The following RFC4 variants were observed in gnomAD, a reference collection of about 807,000 sequenced individuals.
RFC4 encodes A1 37 kDa subunit.
Under a neutral mutation model 47.6 loss-of-function variants are expected in RFC4, and 38 were observed. The ratio of observed to expected loss-of-function variants is 0.80; its 90% CI spans 0.62 to 1.05. The LOEUF is 1.05. Among genes scored for constraint, RFC4 ranks in the 50% least tolerant of loss-of-function variants. The pLI is 0.00. For synonymous variants in RFC4, 164 were observed against 150.0 expected (o/e 1.09, Z -0.68); for missense variants, 489 against 434.0 (o/e 1.13, Z -1.13).
chr3:186,790,545 G>A (rs372999153), intron 8 of RFC4, 139 bp from the exon 9 acceptor site: 32 of 684,020 alleles, frequency 4.7e-5, no homozygotes, highest in African/African-American at 2.7e-4. Flanking sequence ...TTGGGAGAAC[G>A]GAAAGGGCCA....
intron 2 of RFC4, among the ~76,000 whole-genome samples, chr3:186,801,629 C>T (rs984275283): frequency 6.3e-5 from 9 of 142,738 alleles, no homozygotes; most frequent in Admixed American, 1.5e-4. Context: ...GAGAACGGCA[C>T]GAACCTGGGA....
chr3:186,800,954 CAATA>C (rs1722338752), intron 3 of RFC4, among the ~76,000 whole-genome samples, 159 bp downstream of exon 3: 2 of 152,050 alleles, frequency 1.3e-5, no homozygotes, highest in African/African-American at 4.8e-5. Flanking sequence ...AGGAGATGCT[CAATA>C]AATATTTGAA....
chr3:186,792,515 T>C lies in RFC4; in HGVS notation c.650A>G (p.Lys217Arg). ...QQQRLLDIAK[K>R]ENVKISDEGI... ...CTCATCACTAATTTTGACATTTTCC[T>C]TCTTGGCAATGTCTAGTAATCGCTG... Residue 217 changes from lysine (K) to arginine (R), a missense_variant, in exon 7 of 11, where the codon AAG (lysine) becomes AGG (arginine). By Grantham distance (26) the Lys-to-Arg change is conservative (BLOSUM62 2). Coordinates refer to ENST00000296273, the MANE Select transcript of RFC4 (RefSeq NM_002916.5). The C allele has an allele frequency of 6.2e-7, 1 of 1,612,962 alleles. No homozygotes were observed. The highest frequency in any genetic ancestry group is 8.5e-7 in the Non-Finnish European group (1 of 1,179,002).
At position 186,793,262 on chromosome 3, in the gene RFC4, A is replaced by G. The variant is rs1054470504; in HGVS notation, c.411-315T>C. 2.0e-5 allele frequency among the ~76,000 whole-genome samples: 3 copies of G among 152,210 alleles called. No homozygotes were observed. The highest frequency in any genetic ancestry group is 7.2e-5 in the African/African-American group (3 of 41,464). ...ACATGATATGAATGGAACATATAATATGCAGTCTTTTGTGGCTGACTTCTT... is the reference window on the plus strand; with the variant it reads ...ACATGATATGAATGGAACATATAATGTGCAGTCTTTTGTGGCTGACTTCTT... On this transcript the variant is annotated intron_variant, in intron 5 of 10. Transcript: ENST00000296273. This position sits in a 1 kb window ranked among gnomAD's most constrained non-coding sequence, Gnocchi z 4.2.
chr3:186,805,183 T>C (rs1722450539), intron 1 of RFC4, among the ~76,000 whole-genome samples: 1 of 152,164 alleles, frequency 6.6e-6, no homozygotes, highest in Non-Finnish European at 1.5e-5. Context: ...AATGAGAACC[T>C]TCACTCCTTT....
intron 8 of RFC4, among the ~76,000 whole-genome samples, chr3:186,790,990 AGTT>A (rs1009625946): frequency 2.1e-4 from 32 of 152,166 alleles, no homozygotes; most frequent in South Asian, 8.3e-4. Context: ...CAGAAACAAA[AGTT>A]GTTAAGTAGT....
intron 1 of RFC4, 103 bp from the exon 2 acceptor site, chr3:186,804,827 A>T: frequency 9.0e-7 from 1 of 1,105,824 alleles, no homozygotes; most frequent in Non-Finnish European, 1.3e-6. Flanking sequence ...ATTATGAGAA[A>T]GTACAGCCCG....
rs1169584539 is a variant in RFC4, at chr3:186,797,395, C to T, written c.290+140G>A. On this transcript the variant is annotated intron_variant, in intron 4 of 10. Coordinates refer to ENST00000296273, the MANE Select transcript of RFC4 (RefSeq NM_002916.5). ...GGGGAGTGAGGGAGGAACAAAATGG[C>T]TCATGGGATTTTTAAAAATCAGAAA... 1.0e-5 allele frequency: 6 copies of T among 583,368 alleles called. No individual in the cohort carries two copies. In the Admixed American group the frequency reaches 1.5e-4, roughly 14 times the overall value. 36.1% of individuals were successfully genotyped at this position (583,368 alleles called of 1,614,324 possible).
Position 186,804,287 on chromosome 3 carries a change from T to C in RFC4, c.131+296A>G, listed in dbSNP as rs530723519. Reference sequence around the variant, plus strand: ...AGTAGAACTCCTGACCTAGTATTTATAGCCAGTTTACAGAAACTTTTGTTT... The same window carrying C: ...AGTAGAACTCCTGACCTAGTATTTACAGCCAGTTTACAGAAACTTTTGTTT... On this transcript the variant is annotated intron_variant, in intron 2 of 10. Transcript: ENST00000296273. Among the ~76,000 whole-genome samples, 7 of 152,318 alleles carry C rather than the reference T, an allele frequency of 4.6e-5. No homozygotes were observed. In the East Asian group the frequency reaches 1.2e-3, roughly 25 times the overall value.
chr3:186,798,939 A>G (rs977888959), intron 3 of RFC4, among the ~76,000 whole-genome samples: 6 of 152,230 alleles, frequency 3.9e-5, no homozygotes, highest in Non-Finnish European at 8.8e-5. Context: ...TGTTGGCCAA[A>G]TGAATGAATA....
rs2066502 is a variant in RFC4 at position 186,789,946 on chromosome 3, C to T, written c.*23G>A. On this transcript the variant is annotated 3_prime_UTR_variant, in exon 11 of 11. Coordinates refer to ENST00000296273, the MANE Select transcript of RFC4 (RefSeq NM_002916.5). Reference sequence around the variant, plus strand: ...TATTACAACTTCATTATTTACAAAACCCCCCATCCAGATATATTCACGTTA... The same window carrying T: ...TATTACAACTTCATTATTTACAAAATCCCCCATCCAGATATATTCACGTTA... 2 of 1,404,002 alleles carry T rather than the reference C, an allele frequency of 1.4e-6. No individual in the cohort carries two copies. The highest frequency in any genetic ancestry group is 1.8e-5 in the Admixed American group (1 of 56,252). 87.0% of individuals were successfully genotyped at this position (1,404,002 alleles called of 1,614,324 possible). A position where few individuals can be genotyped will look rare whatever the true frequency, so the allele number is the denominator to read the frequency against.
chr3:186,790,899 GA>G (rs1722106039), intron 8 of RFC4, among the ~76,000 whole-genome samples: 1 of 150,726 alleles, frequency 6.6e-6, no homozygotes. Context: ...CCGTGAAGGT[GA>G]AAAACGTCAT....
intron 3 of RFC4, 94 bp from the exon 4 acceptor site, chr3:186,797,708 G>T (rs898271803): frequency 2.5e-6 from 2 of 806,948 alleles, no homozygotes; most frequent in Non-Finnish European, 4.1e-6. Context: ...ATAGTGCAAT[G>T]ACTTCTCTAA....
intron 1 of RFC4, 126 bp from the exon 2 acceptor site, chr3:186,804,850 G>C: frequency 2.4e-6 from 2 of 823,504 alleles, no homozygotes. Flanking sequence ...AATAAACTTA[G>C]CCTTGTGCAA....
rs1722212755 is a variant in RFC4, at chr3:186,794,918, C to T, written c.291-141G>A. 3.3e-5 allele frequency: 30 copies of T among 900,944 alleles called. No individual in the cohort carries two copies. The South Asian group carries it at 4.7e-4, about 14-fold the overall frequency. The allele number at this position is 900,944 out of a possible 1,614,324, so 55.8% of individuals were successfully genotyped here. A position where few individuals can be genotyped will look rare whatever the true frequency, so the allele number is the denominator to read the frequency against. The stretch of plus-strand genomic sequence containing the variant: ...AGGCACACAATCACTTTTGCATTCT[C>T]GCTTCAGCAGAGTGCTGCAGTTAAC... On this transcript the variant is annotated intron_variant, in intron 4 of 10. Transcript: ENST00000296273.
Position 186,789,947 on chromosome 3 carries a change from C to A in RFC4, c.*22G>T, listed in dbSNP as rs370298695. On this transcript the variant is annotated 3_prime_UTR_variant, in exon 11 of 11. Transcript: ENST00000296273. ...ATTACAACTTCATTATTTACAAAAC[C>A]CCCCATCCAGATATATTCACGTTAA... is the stretch of plus-strand genomic sequence containing the variant. 18 of 1,422,152 alleles carry A rather than the reference C, an allele frequency of 1.3e-5. No individual in the cohort carries two copies. The African/African-American group carries it at 1.3e-4, about 10-fold the overall frequency. The allele number at this position is 1,422,152 out of a possible 1,614,324, so 88.1% of individuals were successfully genotyped here.
intron 8 of RFC4, 24 bp from the exon 9 acceptor site, chr3:186,790,430 T>TAAAG: frequency 6.5e-7 from 1 of 1,547,426 alleles, no homozygotes; most frequent in African/African-American, 1.4e-5. Flanking sequence ...TGTTCGGTAT[T>TAAAG]AAAGATGTTT....
At chr3:186,799,027 A>G (rs770230267) in intron 3 of RFC4, among the ~76,000 whole-genome samples, 13 of 152,366 alleles carry the variant, frequency 8.5e-5, no homozygotes, top group East Asian at 5.8e-4. Context: ...AGAACAAACT[A>G]TGAGATTCAT....
chr3:186,795,512 C>T (rs1208823696), intron 4 of RFC4, among the ~76,000 whole-genome samples: 1 of 151,434 alleles, frequency 6.6e-6, no homozygotes, highest in Non-Finnish European at 1.5e-5. Flanking sequence ...AAATTATTTC[C>T]GGCCGGATGT....
Sources: gnomAD v4.1 joint callset for allele counts (sites outside exome capture counted in the v4.1 genomes callset) on GRCh38, gnomAD v4.1.1 for gene constraint, Gnocchi (gnomAD v3.1) non-coding constraint, MANE v1.5 for transcripts, NCBI Gene and HGNC (gene_info 2026-07-23, HGNC 2026-07-21) for gene names.